NXPE2: variants seen among roughly 807,000 people sequenced by gnomAD.
NXPE2 encodes the protein NXPE family member 2.
NXPE2 carries 34 observed loss-of-function variants against 34.4 expected under a neutral mutation model. That is an observed-to-expected ratio of 0.99 (90% CI 0.75 to 1.31). NXPE2 has a LOEUF of 1.31. Among genes scored for constraint, NXPE2 ranks in the 40% most tolerant of loss-of-function variants. The pLI, the probability that NXPE2 is intolerant of heterozygous loss-of-function variation, is 0.00. For synonymous variants in NXPE2, 235 were observed against 231.3 expected, an observed-to-expected ratio of 1.02 and a Z score of -0.15; for missense variants, 649 against 672.5, an observed-to-expected ratio of 0.97 and a Z score of 0.39.
At chr11:114,664,022 C>T in the NXPE2 span, among the ~76,000 whole-genome samples, 1 of 152,142 alleles carries the variant, frequency 6.6e-6, no homozygotes, top group Non-Finnish European at 1.5e-5. Context: ...TACCACACAG[C>T]AATGCCACAC....
At chr11:114,572,622 A>G in the NXPE2 span, among the ~76,000 whole-genome samples, 14 of 152,310 alleles carry the variant, frequency 9.2e-5, no homozygotes, top group African/African-American at 3.4e-4. Context: ...AGAACCTCAG[A>G]GCTAGAAGAC....
chr11:114,748,178 T>C, the NXPE2 span, among the ~76,000 whole-genome samples: 1 of 152,218 alleles, frequency 6.6e-6, no homozygotes, highest in Non-Finnish European at 1.5e-5. Flanking sequence ...AATATTTTGT[T>C]TTGAAACAAT....
the NXPE2 span, among the ~76,000 whole-genome samples, chr11:114,499,842 G>A: frequency 0.021 from 3,191 of 152,152 alleles, 45 homozygotes; most frequent in Middle Eastern, 0.041. Context: ...TTGATTGTTG[G>A]GCTTTGTGTA....
At chr11:114,771,510 G>C in the NXPE2 span, among the ~76,000 whole-genome samples, 2 of 151,938 alleles carry the variant, frequency 1.3e-5, no homozygotes, top group East Asian at 3.9e-4. Context: ...AAGATGCCAG[G>C]GTCACAGGGA....
chr11:114,771,861 T>G, the NXPE2 span, among the ~76,000 whole-genome samples: 1 of 152,244 alleles, frequency 6.6e-6, no homozygotes, highest in Non-Finnish European at 1.5e-5. Flanking sequence ...TTCAGAGTTC[T>G]CCATTTATCT....
At chr11:114,781,321 G>C in the NXPE2 span, among the ~76,000 whole-genome samples, 2 of 152,350 alleles carry the variant, frequency 1.3e-5, no homozygotes, top group South Asian at 4.1e-4. Flanking sequence ...CTTTTCCCAA[G>C]GACCCTTGGT....
intron 5 of NXPE2, 25 bp from the exon 6 acceptor site, chr11:114,706,370 T>C: frequency 6.7e-7 from 1 of 1,486,710 alleles, no homozygotes; most frequent in Non-Finnish European, 8.9e-7. Context: ...TTTGTTAAAA[T>C]ATTTATTGAT....
the NXPE2 span, among the ~76,000 whole-genome samples, chr11:114,492,021 A>AG: frequency 5.3e-5 from 8 of 151,962 alleles, no homozygotes; most frequent in African/African-American, 1.9e-4. Flanking sequence ...TGGTCGGGGG[A>AG]GGGGGGACGG....
the NXPE2 span, among the ~76,000 whole-genome samples, chr11:114,778,997 G>A: frequency 1.3e-5 from 2 of 152,288 alleles, no homozygotes; most frequent in South Asian, 2.1e-4. Context: ...TGCTGGCCAC[G>A]AGCAGGCCTG....
chr11:114,539,197 A>G, the NXPE2 span, among the ~76,000 whole-genome samples: 1 of 150,760 alleles, frequency 6.6e-6, no homozygotes, highest in Non-Finnish European at 1.5e-5. Context: ...AAAACCAAAT[A>G]CCGCATGTTC....
At chr11:114,789,896 G>T in the NXPE2 span, among the ~76,000 whole-genome samples, 1 of 152,166 alleles carries the variant, frequency 6.6e-6, no homozygotes, top group East Asian at 1.9e-4. Context: ...GTTCATCTTT[G>T]TATTCCTCTG....
chr11:114,632,912 A>G, the NXPE2 span, among the ~76,000 whole-genome samples: 2 of 87,228 alleles, frequency 2.3e-5, no homozygotes, highest in Non-Finnish European at 4.0e-5. Flanking sequence ...ATACAATATT[A>G]TATTTTATAT....
the NXPE2 span, among the ~76,000 whole-genome samples, chr11:114,574,927 G>C: frequency 6.6e-6 from 1 of 152,022 alleles, no homozygotes; most frequent in South Asian, 2.1e-4. Context: ...TATGAACATA[G>C]ATGCTAAAAT....
chr11:114,522,875 C>T, the NXPE2 span: 2 of 1,594,186 alleles, frequency 1.3e-6, no homozygotes, highest in South Asian at 1.1e-5. Context: ...AAGTAACTAC[C>T]TACTTTTTAC....
At chr11:114,742,365 C>T in the NXPE2 span, among the ~76,000 whole-genome samples, 9 of 152,124 alleles carry the variant, frequency 5.9e-5, no homozygotes, top group Non-Finnish European at 7.3e-5. Context: ...GGCCTTTCTT[C>T]GTTGCTCCCA....
chr11:114,630,559 C>G, the NXPE2 span, among the ~76,000 whole-genome samples: 1 of 151,548 alleles, frequency 6.6e-6, no homozygotes, highest in Non-Finnish European at 1.5e-5. Context: ...AGACCTAAAA[C>G]CATAAAAACC....
the NXPE2 span, among the ~76,000 whole-genome samples, chr11:114,617,735 G>T: frequency 1.3e-5 from 2 of 152,090 alleles, no homozygotes; most frequent in East Asian, 1.9e-4. Flanking sequence ...AATAAGTATT[G>T]CCTCCTTGGT....
the NXPE2 span, among the ~76,000 whole-genome samples, chr11:114,762,820 C>T: frequency 6.6e-6 from 1 of 152,170 alleles, no homozygotes; most frequent in African/African-American, 2.4e-5. Context: ...TCAGAAGCTG[C>T]CAGTCAGAAA....
chr11:114,780,478 C>T, the NXPE2 span, among the ~76,000 whole-genome samples: 6 of 152,186 alleles, frequency 3.9e-5, no homozygotes, highest in Non-Finnish European at 7.3e-5. Context: ...GTGGGGTTTT[C>T]CTGATGTCCT....
Sources: allele counts gnomAD v4.1 joint callset (sites outside exome capture counted in the v4.1 genomes callset), GRCh38; gene constraint gnomAD v4.1.1; transcripts MANE v1.5; gene names NCBI Gene and HGNC (gene_info 2026-07-23, HGNC 2026-07-21).